CCN4: variants seen among roughly 807,000 people sequenced by gnomAD.
CCN4 encodes the protein CCN family member 4.
In CCN4, 30 loss-of-function variants were observed where a neutral mutation model predicts 36.7. The observed-to-expected ratio is 0.82, with a 90% confidence interval of 0.61 to 1.11. The LOEUF is 1.11. Among genes scored for constraint, CCN4 ranks in the 50% least tolerant of loss-of-function variants. CCN4 has a pLI of 0.00. For missense variants in CCN4, 505 were observed against 504.9 expected, an observed-to-expected ratio of 1.00 and a Z score of 0.00; for synonymous variants, 191 against 195.4, an observed-to-expected ratio of 0.98 and a Z score of 0.19.
chr8:133,194,339 T>G (rs1853234216), intron 1 of CCN4, among the ~76,000 whole-genome samples: 1 of 80,420 alleles, frequency 1.2e-5, no homozygotes, highest in African/African-American at 5.0e-5. Context: ...CTGTGTGGTG[T>G]GTGTGGGGGG....
intron 1 of CCN4, among the ~76,000 whole-genome samples, chr8:133,192,055 G>A (rs1853133864): frequency 6.6e-6 from 1 of 152,190 alleles, no homozygotes; most frequent in Non-Finnish European, 1.5e-5. Flanking sequence ...GAGGGCAGGA[G>A]GTGGGTACCT....
intron 1 of CCN4, among the ~76,000 whole-genome samples, chr8:133,193,179 G>A (rs956558457): frequency 5.3e-5 from 8 of 152,228 alleles, no homozygotes; most frequent in Admixed American, 2.0e-4. Context: ...TCATCCTCCC[G>A]AATTAATATG....
chr8:133,225,333 A>T (rs569342015), intron 3 of CCN4, 57 bp from the exon 4 acceptor site: 1 of 1,501,076 alleles, frequency 6.7e-7, no homozygotes, highest in Non-Finnish European at 9.0e-7. Flanking sequence ...GGTGAAAGTG[A>T]GGGTTGGGGG....
intron 1 of CCN4, among the ~76,000 whole-genome samples, chr8:133,205,122 G>T (rs913591025): frequency 6.6e-6 from 1 of 152,190 alleles, no homozygotes; most frequent in Non-Finnish European, 1.5e-5. Context: ...GGTGGGGCCC[G>T]GTGGGCTCAG....
At chr8:133,217,335 G>A (rs1854355291) in intron 2 of CCN4, among the ~76,000 whole-genome samples, 1 of 152,230 alleles carries the variant, frequency 6.6e-6, no homozygotes, top group African/African-American at 2.4e-5. Context: ...ACAGTCCATG[G>A]GAGGTGTGAA....
In CCN4 at chr8:133,191,218, G is replaced by A; in HGVS notation, c.69+5G>A. 2 of 1,604,910 alleles carry A rather than the reference G, an allele frequency of 1.2e-6. No homozygotes were observed. Among genetic ancestry groups the A allele is most frequent in the Non-Finnish European group, 1.7e-6 (2 of 1,179,422 alleles). ...GCCAGCACCGTCCTGGCCACGGTGAGTCCTGCCTGGAGGGGCTCAGAGGGA... is the reference window on the plus strand; with the variant it reads ...GCCAGCACCGTCCTGGCCACGGTGAATCCTGCCTGGAGGGGCTCAGAGGGA... On this transcript the variant is annotated splice_donor_5th_base_variant and intron_variant, in intron 1 of 4. Transcript: ENST00000250160.
intron 4 of CCN4, among the ~76,000 whole-genome samples, chr8:133,227,074 T>C (rs1289377859): frequency 1.3e-5 from 2 of 152,170 alleles, no homozygotes; most frequent in African/African-American, 4.8e-5. Context: ...GGGAACTTGC[T>C]TGGATGAAGG....
rs1056855696 is a variant in CCN4 at position 133,228,891 on chromosome 8, A to G, written c.*1181A>G. 1.1e-4 allele frequency: 17 copies of G among 152,178 alleles called. No homozygotes were observed. The East Asian group carries it at 1.4e-3, about 12-fold the overall frequency. 9.4% of individuals were successfully genotyped at this position (152,178 alleles called of 1,614,324 possible). ...TTTTCTGGTAGGAAGATGGAGGTTT[A>G]CCGGTTGTTTAGAAACAGAAATAGA... On this transcript the variant is annotated 3_prime_UTR_variant, in exon 5 of 5. Transcript: ENST00000250160.
At chr8:133,191,699 A>T (rs549829612) in intron 1 of CCN4, among the ~76,000 whole-genome samples, 1 of 152,338 alleles carries the variant, frequency 6.6e-6, no homozygotes, top group South Asian at 2.1e-4. Flanking sequence ...AAAGCCAAAA[A>T]AAATTGGAAA....
In CCN4 at chr8:133,212,837, C is replaced by T. The variant is rs765898348; in HGVS notation, c.70-27C>T. ...GTTGAAACCCCTGTCTCAGCAGCCC[C>T]CCTTTCCCTCTGCCCTCCCCCCGCA... On this transcript the variant is annotated intron_variant, in intron 1 of 4. Coordinates refer to ENST00000250160, the MANE Select transcript of CCN4 (RefSeq NM_003882.4). 1.9e-5 allele frequency: 29 copies of T among 1,513,004 alleles called. No individual in the cohort carries two copies. The African/African-American group carries it at 3.3e-4, about 17-fold the overall frequency. 93.7% of individuals were successfully genotyped at this position (1,513,004 alleles called of 1,614,324 possible).
chr8:133,209,795 G>A (rs1853928408), intron 1 of CCN4, among the ~76,000 whole-genome samples: 1 of 152,200 alleles, frequency 6.6e-6, no homozygotes, highest in Non-Finnish European at 1.5e-5. Flanking sequence ...GCTTCTGTGT[G>A]CCATGTGACA....
intron 1 of CCN4, among the ~76,000 whole-genome samples, 184 bp downstream of exon 1, chr8:133,191,397 C>T (rs1853105025): frequency 1.3e-5 from 2 of 152,194 alleles, no homozygotes; most frequent in African/African-American, 4.8e-5. Flanking sequence ...CTGAAGCTGG[C>T]AGGGTGAGGA....
chr8:133,198,857 G>A (rs1231458958), intron 1 of CCN4, among the ~76,000 whole-genome samples: 1 of 152,182 alleles, frequency 6.6e-6, no homozygotes, highest in East Asian at 1.9e-4. Context: ...TCAGGCCCCA[G>A]GGCCTTTGCA....
chr8:133,224,269 C>T (rs1258186315), intron 3 of CCN4, among the ~76,000 whole-genome samples: 2 of 101,574 alleles, frequency 2.0e-5, no homozygotes, highest in African/African-American at 3.7e-5. Context: ...GAGACAGAAT[C>T]CTGCTTTTTA....
chr8:133,219,710 A>G (rs957154163), intron 2 of CCN4, among the ~76,000 whole-genome samples: 3 of 152,254 alleles, frequency 2.0e-5, no homozygotes, highest in African/African-American at 7.2e-5. Context: ...TAGAAAACCC[A>G]GCATTCCTAT....
intron 2 of CCN4, among the ~76,000 whole-genome samples, chr8:133,213,933 A>ACACTATATATAGTAGTTAAATATAC (rs1484263349): frequency 7.3e-6 from 1 of 137,740 alleles, no homozygotes; most frequent in Non-Finnish European, 1.5e-5. Context: ...TATATACTAT[A>ACACTATATATAGTAGTTAAATATAC]TATACACTAT....
intron 1 of CCN4, among the ~76,000 whole-genome samples, chr8:133,206,602 G>A (rs1379340264): frequency 2.6e-5 from 4 of 152,180 alleles, no homozygotes; most frequent in African/African-American, 4.8e-5. Context: ...TGGTGTGTGC[G>A]CATGTGTGTG....
At chr8:133,211,294 C>T (rs1021078679) in intron 1 of CCN4, among the ~76,000 whole-genome samples, 3 of 152,224 alleles carry the variant, frequency 2.0e-5, no homozygotes, top group Non-Finnish European at 4.4e-5. Context: ...TAATACTTGC[C>T]TCTCCCATAA....
intron 1 of CCN4, among the ~76,000 whole-genome samples, chr8:133,200,185 C>A (rs1303179761): frequency 1.3e-5 from 2 of 152,196 alleles, no homozygotes; most frequent in African/African-American, 4.8e-5. Flanking sequence ...GCTTTATTTC[C>A]CTGATCCACG....
Sources: allele counts gnomAD v4.1 joint callset (sites outside exome capture counted in the v4.1 genomes callset), GRCh38; gene constraint gnomAD v4.1.1; transcripts MANE v1.5; gene names NCBI Gene and HGNC (gene_info 2026-07-23, HGNC 2026-07-21).